RELL1: variants seen among roughly 807,000 people sequenced by gnomAD.
RELL1 encodes RELT like 1, also known as RELT-like protein 1.
In RELL1, 10 loss-of-function variants were observed where a neutral mutation model predicts 23.0. The ratio of observed to expected loss-of-function variants is 0.43; its 90% CI spans 0.27 to 0.74. RELL1 has a LOEUF of 0.74. RELL1 is among the 30% of genes least tolerant of loss of function. RELL1 has a pLI of 0.19. For synonymous variants in RELL1, 146 were observed against 146.8 expected (o/e 0.99, Z 0.04); for missense variants, 315 against 364.4 (o/e 0.86, Z 1.10).
intron 1 of RELL1, among the ~76,000 whole-genome samples, chr4:37,659,217 A>G (rs1385628546): frequency 6.6e-6 from 1 of 152,178 alleles, no homozygotes; most frequent in African/African-American, 2.4e-5. Flanking sequence ...TCCTGGGCCC[A>G]GTAAGCTTTG....
intron 3 of RELL1, among the ~76,000 whole-genome samples, chr4:37,640,070 A>G (rs1281683383): frequency 1.3e-5 from 2 of 149,740 alleles, no homozygotes; most frequent in Non-Finnish European, 3.0e-5. Flanking sequence ...TAAGAGAGTG[A>G]GTTTTTTTTT....
intron 6 of RELL1, among the ~76,000 whole-genome samples, chr4:37,625,176 T>C (rs756172915): frequency 2.8e-4 from 43 of 152,238 alleles, no homozygotes; most frequent in Non-Finnish European, 5.1e-4. Flanking sequence ...ATCAATACAA[T>C]AGTCTGAATA....
chr4:37,591,274 T>G, intron 6 of RELL1: 1 of 330,022 alleles, frequency 3.0e-6, no homozygotes, highest in East Asian at 5.5e-5. Flanking sequence ...ATGCAGAAGT[T>G]GAACAGCTTG....
intron 6 of RELL1, among the ~76,000 whole-genome samples, chr4:37,614,411 T>C (rs991227737): frequency 1.3e-5 from 2 of 152,022 alleles, no homozygotes; most frequent in East Asian, 3.9e-4. Context: ...AATGAGATGA[T>C]GAGTAAAGGA....
chr4:37,599,169 A>C (rs1176994277), intron 6 of RELL1, among the ~76,000 whole-genome samples: 1 of 152,230 alleles, frequency 6.6e-6, no homozygotes, highest in Non-Finnish European at 1.5e-5. Flanking sequence ...ATTGTAATAA[A>C]GAATAGAAAA....
At position 37,666,436 on chromosome 4, in the gene RELL1, C is replaced by T. The variant is rs760077841; in HGVS notation, c.89-16936G>A. Among the ~76,000 whole-genome samples, 15 of 152,170 alleles carry T rather than the reference C, an allele frequency of 9.9e-5. 1 individual carries two copies. Among genetic ancestry groups the T allele is most frequent in the Admixed American group, 5.9e-4 (9 of 15,276 alleles). ...AATTAGCATCTCTGTGCCTCAGTTT[C>T]CTCATCCATAAAATAATAATAGTTT... On this transcript the variant is annotated intron_variant, in intron 1 of 6. Transcript: ENST00000454158.
chr4:37,609,087 T>C (rs1420513230), downstream of RELL1, among the ~76,000 whole-genome samples: 1 of 152,204 alleles, frequency 6.6e-6, no homozygotes, highest in Admixed American at 6.5e-5. Flanking sequence ...TGGAAGGAGA[T>C]GACATCTAGG....
At chr4:37,648,595 G>A (rs777794555) in intron 2 of RELL1, among the ~76,000 whole-genome samples, 29 of 152,196 alleles carry the variant, frequency 1.9e-4, no homozygotes, top group Non-Finnish European at 1.9e-4. Context: ...TCGTCTCCCC[G>A]GTTTTTCTAA....
intron 6 of RELL1, among the ~76,000 whole-genome samples, chr4:37,603,639 A>G (rs534424272): frequency 1.3e-5 from 2 of 152,292 alleles, no homozygotes; most frequent in East Asian, 3.9e-4. Flanking sequence ...GGATGTGAAG[A>G]CAGATTTGAA....
intron 3 of RELL1, among the ~76,000 whole-genome samples, chr4:37,642,490 T>C (rs1720563519): frequency 6.6e-6 from 1 of 152,182 alleles, no homozygotes; most frequent in Non-Finnish European, 1.5e-5. Flanking sequence ...CATCCAACCC[T>C]TTGGATTAGG....
chr4:37,590,139 C>A (rs1431954898), downstream of RELL1: 1 of 1,614,104 alleles, frequency 6.2e-7, no homozygotes, highest in Non-Finnish European at 8.5e-7. Flanking sequence ...TCAATGAAGT[C>A]AACAGCTGCA....
At chr4:37,684,928 G>A (rs570502187) in intron 1 of RELL1, among the ~76,000 whole-genome samples, 3 of 152,076 alleles carry the variant, frequency 2.0e-5, no homozygotes, top group African/African-American at 4.8e-5. Flanking sequence ...ACTCCAGTCT[G>A]GGTGACAAAA....
At chr4:37,627,619 G>C (rs935409395) in intron 6 of RELL1, among the ~76,000 whole-genome samples, 1 of 152,112 alleles carries the variant, frequency 6.6e-6, no homozygotes, top group Non-Finnish European at 1.5e-5. Context: ...AAGGGAGAGA[G>C]AGAAATCCTG....
intron 6 of RELL1, among the ~76,000 whole-genome samples, chr4:37,614,854 C>T (rs1719523707): frequency 6.6e-6 from 1 of 152,120 alleles, no homozygotes; most frequent in Non-Finnish European, 1.5e-5. Flanking sequence ...GATGTCAGGC[C>T]TAGAAACTAA....
At chr4:37,642,369 C>A (rs1720559329) in intron 3 of RELL1, among the ~76,000 whole-genome samples, 1 of 152,194 alleles carries the variant, frequency 6.6e-6, no homozygotes, top group African/African-American at 2.4e-5. Flanking sequence ...GCTACAGACT[C>A]CCAGATACTT....
intron 4 of RELL1, among the ~76,000 whole-genome samples, chr4:37,638,115 C>G (rs999842863): frequency 1.3e-5 from 2 of 152,186 alleles, no homozygotes; most frequent in African/African-American, 4.8e-5. Flanking sequence ...TTCCTTCTTC[C>G]CATCACTATT....
intron 6 of RELL1, among the ~76,000 whole-genome samples, chr4:37,613,625 T>C (rs1427729684): frequency 9.9e-5 from 15 of 152,202 alleles, no homozygotes; most frequent in Admixed American, 8.5e-4. Flanking sequence ...TTTTCCCATG[T>C]GATGTGCCTT....
intron 1 of RELL1, among the ~76,000 whole-genome samples, chr4:37,660,256 A>T (rs1721278898): frequency 1.3e-5 from 2 of 151,746 alleles, no homozygotes; most frequent in South Asian, 4.2e-4. Flanking sequence ...AAATCACTTC[A>T]CCTCCCTGGG....
chr4:37,683,925 T>C (rs748866577), intron 1 of RELL1, among the ~76,000 whole-genome samples: 18 of 138,490 alleles, frequency 1.3e-4, no homozygotes, highest in East Asian at 6.7e-4. Flanking sequence ...ACTAAAAATA[T>C]AAAAAATTAG....
Sources: gnomAD v4.1 joint callset for allele counts (sites outside exome capture counted in the v4.1 genomes callset) on GRCh38, gnomAD v4.1.1 for gene constraint, MANE v1.5 for transcripts, NCBI Gene and HGNC (gene_info 2026-07-23, HGNC 2026-07-21) for gene names.